The following RGSL1 variants were observed in gnomAD, a reference collection of about 807,000 sequenced individuals.
RGSL1 encodes the protein regulator of G protein signaling like 1.
Under a neutral mutation model 124.7 loss-of-function variants are expected in RGSL1, and 97 were observed. That is an observed-to-expected ratio of 0.78 (90% CI 0.66 to 0.92). The LOEUF (loss-of-function observed/expected upper bound fraction) is 0.92. RGSL1 is among the 40% of genes least tolerant of loss of function. The pLI, the probability that RGSL1 is intolerant of heterozygous loss-of-function variation, is 0.00. For synonymous variants in RGSL1, 424 were observed against 438.1 expected (o/e 0.97, Z 0.40); for missense variants, 1,233 against 1,288.4 (o/e 0.96, Z 0.66).
intron 9 of RGSL1, among the ~76,000 whole-genome samples, chr1:182,499,500 C>CT (rs1656190886): frequency 6.6e-6 from 1 of 152,054 alleles, no homozygotes; most frequent in Non-Finnish European, 1.5e-5. Context: ...CAACCTCTGC[C>CT]TTTTTTGTTT....
intron 6 of RGSL1, 105 bp downstream of exon 6, chr1:182,474,647 C>G: frequency 1.4e-6 from 2 of 1,395,456 alleles, no homozygotes; most frequent in Non-Finnish European, 1.9e-6. Flanking sequence ...ATATAATTAC[C>G]CACATAAACC....
intron 15 of RGSL1, among the ~76,000 whole-genome samples, chr1:182,544,298 T>C (rs1040005144): frequency 1.3e-5 from 2 of 152,052 alleles, no homozygotes; most frequent in African/African-American, 4.8e-5. Context: ...CCATATACTG[T>C]AGGAAACAGT....
chr1:182,460,611 CT>C, intron 4 of RGSL1: 2 of 455,228 alleles, frequency 4.4e-6, no homozygotes, highest in Non-Finnish European at 8.8e-6. Context: ...TGCTCTTGCT[CT>C]CTTCCTCATA....
At chr1:182,477,447 C>CT (rs1267522192) in intron 6 of RGSL1, among the ~76,000 whole-genome samples, 1 of 152,162 alleles carries the variant, frequency 6.6e-6, no homozygotes, top group East Asian at 1.9e-4. Context: ...GAAGAAATAT[C>CT]GTCTGCCCTG....
At chr1:182,464,964 T>C (rs1185791775) in intron 4 of RGSL1, among the ~76,000 whole-genome samples, 1 of 151,848 alleles carries the variant, frequency 6.6e-6, no homozygotes, top group East Asian at 1.9e-4. Flanking sequence ...GTCATGCACC[T>C]ATAGTACTAG....
At chr1:182,458,478 T>C in intron 3 of RGSL1, 85 bp downstream of exon 3, 1 of 1,244,352 alleles carries the variant, frequency 8.0e-7, no homozygotes, top group South Asian at 1.3e-5. Flanking sequence ...TTGTTTTTGT[T>C]TTTGTTTTGG....
At chr1:182,545,463 T>C (rs1660151285) in intron 15 of RGSL1, among the ~76,000 whole-genome samples, 1 of 152,188 alleles carries the variant, frequency 6.6e-6, no homozygotes, top group African/African-American at 2.4e-5. Context: ...TATTAGAATA[T>C]TCTAGATTGG....
intron 18 of RGSL1, among the ~76,000 whole-genome samples, chr1:182,552,238 C>T (rs940707735): frequency 3.3e-5 from 5 of 152,002 alleles, no homozygotes; most frequent in East Asian, 3.9e-4. Flanking sequence ...CTCAGCCTCC[C>T]GGGTAGCTGG....
chr1:182,478,422 A>C (rs929747764), intron 6 of RGSL1, among the ~76,000 whole-genome samples: 2 of 152,228 alleles, frequency 1.3e-5, no homozygotes, highest in Non-Finnish European at 1.5e-5. Flanking sequence ...TGAAAAATTC[A>C]ATAAAGAGCT....
chr1:182,545,723 T>C (rs566093171), intron 15 of RGSL1, among the ~76,000 whole-genome samples: 2 of 152,292 alleles, frequency 1.3e-5, no homozygotes, highest in Non-Finnish European at 2.9e-5. Flanking sequence ...TTGGTTTTTT[T>C]GCACTTTGAG....
At chr1:182,530,143 GC>G in intron 11 of RGSL1, 100 bp from the exon 12 acceptor site, 1 of 751,736 alleles carries the variant, frequency 1.3e-6, no homozygotes, top group African/African-American at 1.8e-5. Context: ...GAAAATGGGG[GC>G]TGTGAGACTC....
intron 10 of RGSL1, among the ~76,000 whole-genome samples, chr1:182,527,311 C>T (rs555244554): frequency 1.2e-3 from 176 of 152,182 alleles, no homozygotes; most frequent in Non-Finnish European, 1.9e-3. Flanking sequence ...AAGAGAATTC[C>T]CTTGAAAAAA....
chr1:182,537,017 T>A (rs1045962398), intron 14 of RGSL1, among the ~76,000 whole-genome samples: 2 of 152,198 alleles, frequency 1.3e-5, no homozygotes, highest in Non-Finnish European at 2.9e-5. Context: ...TGGCCTTTAT[T>A]GGGTTATAAG....
At chr1:182,455,353 G>A (rs971302980) in intron 2 of RGSL1, among the ~76,000 whole-genome samples, 4 of 152,096 alleles carry the variant, frequency 2.6e-5, no homozygotes, top group Admixed American at 2.0e-4. Flanking sequence ...AGGCCAAGGT[G>A]GGGGGATCAC....
At chr1:182,505,353 A>C (rs533009653) in intron 9 of RGSL1, among the ~76,000 whole-genome samples, 111 of 148,328 alleles carry the variant, frequency 7.5e-4, no homozygotes, top group Non-Finnish European at 1.3e-3. Flanking sequence ...TGCTGTCATC[A>C]TGGCCACCAC....
At chr1:182,482,713 G>C (rs999348046) in intron 6 of RGSL1, among the ~76,000 whole-genome samples, 9 of 152,160 alleles carry the variant, frequency 5.9e-5, no homozygotes, top group African/African-American at 2.2e-4. Flanking sequence ...CAGTATGCAG[G>C]TTTCTCAAAA....
chr1:182,463,209 G>A (rs1035434351), intron 4 of RGSL1, among the ~76,000 whole-genome samples: 2 of 151,044 alleles, frequency 1.3e-5, no homozygotes, highest in Non-Finnish European at 2.9e-5. Flanking sequence ...CAGGAGAATG[G>A]CATGAACCTG....
At chr1:182,485,887 A>G (rs1419090026) in intron 6 of RGSL1, among the ~76,000 whole-genome samples, 1 of 152,244 alleles carries the variant, frequency 6.6e-6, no homozygotes, top group African/African-American at 2.4e-5. Context: ...AGTGTCCATA[A>G]ATAAAGTTTT....
At chr1:182,478,879 T>G (rs539159530) in intron 6 of RGSL1, among the ~76,000 whole-genome samples, 1 of 152,184 alleles carries the variant, frequency 6.6e-6, no homozygotes, top group Non-Finnish European at 1.5e-5. Context: ...TCAAAAAGGC[T>G]ATCAGCAGAT....
Sources: gnomAD v4.1 joint callset for allele counts (sites outside exome capture counted in the v4.1 genomes callset) on GRCh38, gnomAD v4.1.1 for gene constraint, MANE v1.5 for transcripts, NCBI Gene and HGNC (gene_info 2026-07-23, HGNC 2026-07-21) for gene names.